DSCAM: variants seen among roughly 807,000 people sequenced by gnomAD.
The protein encoded by DSCAM is DS cell adhesion molecule, also known as cell adhesion molecule DSCAM.
In DSCAM, 47 loss-of-function variants were observed where a neutral mutation model predicts 217.7. The ratio of observed to expected loss-of-function variants is 0.22; its 90% CI spans 0.17 to 0.28. DSCAM has a LOEUF of 0.28. Among genes scored for constraint, DSCAM ranks in the 10% least tolerant of loss-of-function variants. DSCAM has a pLI of 1.00. For missense variants in DSCAM, 2,080 were observed against 2,618.3 expected (o/e 0.79, Z 4.49); for synonymous variants, 1,056 against 1,015.3 (o/e 1.04, Z -0.76).
At chr21:40,378,912 T>A (rs912413674) in intron 3 of DSCAM, among the ~76,000 whole-genome samples, 1 of 150,402 alleles carries the variant, frequency 6.6e-6, no homozygotes, top group African/African-American at 2.4e-5. Flanking sequence ...AACTTATACA[T>A]AAACCTGAAT....
intron 3 of DSCAM, among the ~76,000 whole-genome samples, chr21:40,379,051 A>G (rs1008307327): frequency 9.9e-5 from 15 of 152,246 alleles, no homozygotes; most frequent in African/African-American, 1.4e-4. Flanking sequence ...AAGTGGTTAC[A>G]TAACAATCTG....
At chr21:40,749,134 A>C (rs150144057) in intron 1 of DSCAM, among the ~76,000 whole-genome samples, 1 of 152,302 alleles carries the variant, frequency 6.6e-6, no homozygotes, top group East Asian at 1.9e-4. Flanking sequence ...CTAGAAGAAA[A>C]CATAGAGGAA....
intron 1 of DSCAM, among the ~76,000 whole-genome samples, chr21:40,774,431 G>C (rs192860128): frequency 2.6e-5 from 4 of 152,214 alleles, no homozygotes; most frequent in Admixed American, 2.0e-4. Flanking sequence ...AGCCTTCCAG[G>C]CTCCACTTTC....
intron 3 of DSCAM, among the ~76,000 whole-genome samples, chr21:40,494,802 A>C (rs1336288538): frequency 4.6e-5 from 7 of 151,514 alleles, no homozygotes; most frequent in Non-Finnish European, 1.0e-4. Context: ...ACAATAGAAA[A>C]GATCAACAAA....
intron 3 of DSCAM, among the ~76,000 whole-genome samples, chr21:40,424,278 C>A (rs969792801): frequency 1.3e-5 from 2 of 152,130 alleles, no homozygotes; most frequent in East Asian, 1.9e-4. Flanking sequence ...GAAATAAGGT[C>A]TTTATAGTGA....
At chr21:40,827,879 A>C (rs2091983081) in intron 1 of DSCAM, among the ~76,000 whole-genome samples, 1 of 152,224 alleles carries the variant, frequency 6.6e-6, no homozygotes, top group South Asian at 2.1e-4. Flanking sequence ...ACAGATTGGA[A>C]AATGAAAAAC....
At chr21:40,768,757 G>A (rs1816240981) in intron 1 of DSCAM, among the ~76,000 whole-genome samples, 1 of 152,182 alleles carries the variant, frequency 6.6e-6, no homozygotes, top group African/African-American at 2.4e-5. Flanking sequence ...CCCAAAGCTT[G>A]CGTTGATTGT....
chr21:40,230,592 C>T (rs1000063809), intron 11 of DSCAM, among the ~76,000 whole-genome samples: 10 of 152,100 alleles, frequency 6.6e-5, no homozygotes, highest in African/African-American at 2.2e-4. Flanking sequence ...TATTGCTATA[C>T]ATTTTACTCT....
chr21:40,792,541 A>G (rs1460185057), intron 1 of DSCAM, among the ~76,000 whole-genome samples: 1 of 152,330 alleles, frequency 6.6e-6, no homozygotes, highest in East Asian at 1.9e-4. Context: ...TTAGGAGTTT[A>G]CAGCTTCAGC....
intron 3 of DSCAM, among the ~76,000 whole-genome samples, chr21:40,550,434 A>T (rs927755095): frequency 1.3e-5 from 2 of 152,180 alleles, no homozygotes; most frequent in African/African-American, 4.8e-5. Flanking sequence ...CTGAGGCAGG[A>T]GAATCACTGG....
At position 40,451,648 on chromosome 21, in the gene DSCAM, C is replaced by T. The variant is rs371110042; in HGVS notation, c.509-82403G>A. On this transcript the variant is annotated intron_variant, in intron 3 of 32. Transcript: ENST00000400454. ...AGCACAACAATGATAGTAATTTAGC[C>T]GCAACTGTTTCCAGAACACATGGTG... Among the ~76,000 whole-genome samples, 40 of 152,234 alleles carry T rather than the reference C, an allele frequency of 2.6e-4. No homozygotes were observed. In the East Asian group the frequency reaches 5.8e-3, roughly 22 times the overall value.
chr21:40,028,335 GAGGCAGGC>G (rs1319765120), intron 32 of DSCAM, among the ~76,000 whole-genome samples: 1 of 115,454 alleles, frequency 8.7e-6, no homozygotes, highest in Non-Finnish European at 1.8e-5. Flanking sequence ...GCAGCCTACA[GAGGCAGGC>G]AGGCAGGCCT....
At chr21:40,429,888 C>G (rs1325832516) in intron 3 of DSCAM, among the ~76,000 whole-genome samples, 1 of 152,122 alleles carries the variant, frequency 6.6e-6, no homozygotes, top group African/African-American at 2.4e-5. Context: ...TAAGACATGA[C>G]CTCTTTCCTT....
Position 40,078,716 on chromosome 21 carries a change from G to C in DSCAM, c.4682C>G (p.Ala1561Gly), listed in dbSNP as rs904152543. The stretch of plus-strand genomic sequence containing the variant: ...ATCGTAGTTCAGCGTAGCGAAGTTG[G>C]CCTGCTTCTCCGCGCAGCCCGCACT... ...CNSAGCAEKQ[A>G]NFATLNYDGS... The change falls in exon 26 of 33, where the codon GCC (alanine) becomes GGC (glycine). Residue 1561 changes from alanine (A) to glycine (G), a missense_variant. Ala to Gly is a moderately conservative substitution (Grantham distance 60). Coordinates refer to ENST00000400454, the MANE Select transcript of DSCAM (RefSeq NM_001389.5). The C allele has an allele frequency of 5.0e-6, 8 of 1,614,170 alleles. No homozygotes were observed. The highest frequency in any genetic ancestry group is 6.8e-6 in the Non-Finnish European group (8 of 1,180,022).
intron 3 of DSCAM, among the ~76,000 whole-genome samples, chr21:40,627,102 T>C (rs1040277167): frequency 2.6e-5 from 4 of 152,184 alleles, no homozygotes; most frequent in African/African-American, 4.8e-5. Context: ...AGAAGCCATA[T>C]CTACTTCATG....
At chr21:40,061,523 C>T (rs1238293617) in intron 28 of DSCAM, among the ~76,000 whole-genome samples, 1 of 150,162 alleles carries the variant, frequency 6.7e-6, no homozygotes. Context: ...GAGCCAAGAC[C>T]GCACCATTGC....
intron 11 of DSCAM, among the ~76,000 whole-genome samples, chr21:40,196,204 A>G (rs1179638888): frequency 6.6e-6 from 1 of 152,078 alleles, no homozygotes; most frequent in Non-Finnish European, 1.5e-5. Context: ...GGTGCCCCTC[A>G]CATATGTCTT....
chr21:40,475,182 A>G (rs992438673), intron 3 of DSCAM, among the ~76,000 whole-genome samples: 11 of 152,252 alleles, frequency 7.2e-5, no homozygotes, highest in Admixed American at 6.5e-4. Context: ...AAGGTGCATT[A>G]GCACTTCAGC....
intron 3 of DSCAM, chr21:40,513,255 C>T (rs1021423953): frequency 1.3e-5 from 2 of 152,106 alleles, no homozygotes; most frequent in African/African-American, 4.8e-5. Flanking sequence ...TGTGCCTCAT[C>T]TGTAATATGA....
Sources: allele counts gnomAD v4.1 joint callset (sites outside exome capture counted in the v4.1 genomes callset), GRCh38; gene constraint gnomAD v4.1.1; transcripts MANE v1.5; gene names NCBI Gene and HGNC (gene_info 2026-07-23, HGNC 2026-07-21).